The following ESR1 variants were observed in gnomAD, a reference collection of about 807,000 sequenced individuals.
The protein encoded by ESR1 is estrogen receptor.
A neutral mutation model predicts 52.7 loss-of-function variants in ESR1; 12 were observed. The observed-to-expected ratio is 0.23, with a 90% CI of 0.15 to 0.37. The LOEUF (loss-of-function observed/expected upper bound fraction) is 0.37, where lower values mean the gene tolerates loss of function less well. ESR1 is among the 10% of genes least tolerant of loss of function. ESR1 has a pLI of 1.00. For synonymous variants in ESR1, 305 were observed against 316.8 expected (o/e 0.96, Z 0.39); for missense variants, 584 against 779.7 (o/e 0.75, Z 2.99).
rs1371719160 is a variant in ESR1 at position 151,865,831 on chromosome 6, T to C, written c.644-14824T>C. 2.0e-5 allele frequency among the ~76,000 whole-genome samples: 3 copies of C among 152,196 alleles called. No individual in the cohort carries two copies. The East Asian group carries it at 5.8e-4, about 29-fold the overall frequency. ...CTCTGGAGAGGGGAGGAAACGGAGA[T>C]GCTAGATTTTTCCGGGCTCTCTTTT... On this transcript the variant is annotated intron_variant, in intron 2 of 7. Transcript: ENST00000206249.
intron 3 of ESR1, among the ~76,000 whole-genome samples, chr6:151,909,318 T>G (rs942873167): frequency 4.6e-5 from 7 of 152,178 alleles, no homozygotes; most frequent in Non-Finnish European, 7.4e-5. Flanking sequence ...AGGCCATGAC[T>G]TGGGGAGTCT....
intron 2 of ESR1, among the ~76,000 whole-genome samples, chr6:151,709,213 A>G (rs917257092): frequency 6.6e-6 from 1 of 152,086 alleles, no homozygotes; most frequent in Non-Finnish European, 1.5e-5. Flanking sequence ...GACTCTACAT[A>G]TAAGTGAGAT....
At chr6:151,874,136 T>G (rs911795888) in intron 2 of ESR1, among the ~76,000 whole-genome samples, 3 of 152,224 alleles carry the variant, frequency 2.0e-5, no homozygotes, top group African/African-American at 7.2e-5. Flanking sequence ...CCTTAAAATA[T>G]GAACAGTTAG....
rs2128959536 is a variant in ESR1 at position 152,061,227 on chromosome 6, G to C, written c.1369+103G>C. 1 of 1,128,434 alleles carries C rather than the reference G, an allele frequency of 8.9e-7. No individual in the cohort carries two copies. The highest frequency in any genetic ancestry group is 1.3e-5 in the South Asian group (1 of 79,474). The allele number at this position is 1,128,434 out of a possible 1,614,324, so 69.9% of individuals were successfully genotyped here. ...CTCCAAAGGCATAATGTCATAAATA[G>C]AAAGAAACTACTGACACACGTTTTA... On this transcript the variant is annotated intron_variant, in intron 6 of 7. Coordinates refer to ENST00000206249, the MANE Select transcript of ESR1 (RefSeq NM_000125.4). The surrounding 1 kb of genome is among the most constrained non-coding windows in gnomAD (Gnocchi z 4.3).
At chr6:152,105,849 G>T (rs1262854422), downstream of ESR1, among the ~76,000 whole-genome samples, 6 of 132,820 alleles carry the variant, frequency 4.5e-5, no homozygotes, top group Admixed American at 4.0e-4. Flanking sequence ...CTGCAGTGGC[G>T]CAATCTCGGC....
chr6:152,003,456 C>T (rs1037848983), intron 4 of ESR1, among the ~76,000 whole-genome samples: 10 of 151,620 alleles, frequency 6.6e-5, no homozygotes, highest in Non-Finnish European at 5.9e-5. Context: ...TTCAATAATA[C>T]AGTCAAGTGT....
chr6:151,980,814 C>T (rs576492375), intron 4 of ESR1, among the ~76,000 whole-genome samples: 2 of 152,322 alleles, frequency 1.3e-5, no homozygotes, highest in Admixed American at 1.3e-4. Context: ...AGCGATTCTC[C>T]TGCCTCAACC....
At chr6:151,725,512 C>T (rs748137072) in intron 2 of ESR1, among the ~76,000 whole-genome samples, 37 of 152,100 alleles carry the variant, frequency 2.4e-4, no homozygotes, top group Non-Finnish European at 4.9e-4. Flanking sequence ...TGAGTAAATT[C>T]TTGAGAATTG....
intron 6 of ESR1, among the ~76,000 whole-genome samples, chr6:152,119,138 T>C (rs1164710255): frequency 6.6e-6 from 1 of 152,214 alleles, no homozygotes; most frequent in African/African-American, 2.4e-5. Context: ...ATTCTTTGCT[T>C]TACGATCTTT....
chr6:152,013,756 A>C (rs978180647), intron 5 of ESR1, among the ~76,000 whole-genome samples: 1 of 152,152 alleles, frequency 6.6e-6, no homozygotes, highest in African/African-American at 2.4e-5. Flanking sequence ...AGTATGAATG[A>C]CTAAAAGTTC....
intron 3 of ESR1, among the ~76,000 whole-genome samples, chr6:151,885,832 G>C (rs1793748746): frequency 6.6e-6 from 1 of 152,182 alleles, no homozygotes; most frequent in Admixed American, 6.5e-5. Context: ...TCCAGCCTGG[G>C]CAACAGAGTG....
rs544019360 is a variant in ESR1, at chr6:151,793,304, T to A, written c.-70-14539T>A. Reference sequence around the variant, plus strand: ...TTCCACATCTTGTCCCACTGGAAAGTCCTCAGGGACAGTAACACCCCTGGA... The same window carrying A: ...TTCCACATCTTGTCCCACTGGAAAGACCTCAGGGACAGTAACACCCCTGGA... On this transcript the variant is annotated intron_variant, in intron 2 of 2. Transcript: ENST00000404742. Among the ~76,000 whole-genome samples the A allele has an allele frequency of 1.4e-4, 21 of 152,190 alleles. No homozygotes were observed. In the South Asian group the frequency reaches 4.1e-3, roughly 30 times the overall value.
At chr6:151,737,070 C>T (rs977959296) in intron 2 of ESR1, among the ~76,000 whole-genome samples, 57 of 152,246 alleles carry the variant, frequency 3.7e-4, no homozygotes, top group African/African-American at 1.2e-3. Flanking sequence ...TGTTTTCACA[C>T]GTACTGTTTG....
intron 5 of ESR1, among the ~76,000 whole-genome samples, chr6:152,035,048 T>C (rs1292179422): frequency 6.6e-6 from 1 of 152,218 alleles, no homozygotes; most frequent in Non-Finnish European, 1.5e-5. Flanking sequence ...GCCTGTGAGA[T>C]TACATGCCCT....
At chr6:152,020,305 G>A (rs1425047967) in intron 5 of ESR1, among the ~76,000 whole-genome samples, 1 of 152,130 alleles carries the variant, frequency 6.6e-6, no homozygotes, top group African/African-American at 2.4e-5. Flanking sequence ...GTTCTTTTGA[G>A]CTGGCAGGGG....
At chr6:151,864,436 C>T (rs1250110394) in intron 2 of ESR1, among the ~76,000 whole-genome samples, 3 of 152,204 alleles carry the variant, frequency 2.0e-5, no homozygotes, top group East Asian at 1.9e-4. Flanking sequence ...AGTCAGGAAA[C>T]GACAGGTGCT....
chr6:151,815,910 C>A (rs754881852), intron 1 of ESR1, among the ~76,000 whole-genome samples: 1 of 152,092 alleles, frequency 6.6e-6, no homozygotes, highest in Non-Finnish European at 1.5e-5. Flanking sequence ...TTTTCATAAT[C>A]CCTGTTGATG....
At chr6:151,901,734 G>A (rs1796729501) in intron 3 of ESR1, among the ~76,000 whole-genome samples, 1 of 152,212 alleles carries the variant, frequency 6.6e-6, no homozygotes, top group Non-Finnish European at 1.5e-5. Context: ...TGTGTTCGGG[G>A]GTGGGCTATC....
chr6:151,799,801 T>C (rs1407771411), upstream of ESR1, among the ~76,000 whole-genome samples: 3 of 152,000 alleles, frequency 2.0e-5, no homozygotes, highest in Non-Finnish European at 4.4e-5. Context: ...TGAGTAGGAG[T>C]ATGTCAGATG....
Sources: allele counts gnomAD v4.1 joint callset (sites outside exome capture counted in the v4.1 genomes callset), GRCh38; gene constraint gnomAD v4.1.1; non-coding constraint Gnocchi (gnomAD v3.1); transcripts MANE v1.5; gene names NCBI Gene and HGNC (gene_info 2026-07-23, HGNC 2026-07-21).